AFF2: variants seen among roughly 807,000 people sequenced by gnomAD.
The protein encoded by AFF2 is AF4/FMR2 family member 2.
AFF2 carries 14 observed loss-of-function variants against 76.9 expected under a neutral mutation model. The ratio of observed to expected loss-of-function variants is 0.18; its 90% CI spans 0.12 to 0.28. The LOEUF is 0.28. AFF2 is among the 10% of genes least tolerant of loss of function. The pLI is 1.00. For synonymous variants in AFF2, 398 were observed against 366.7 expected (o/e 1.09, Z -0.98); for missense variants, 868 against 1,001.1 (o/e 0.87, Z 1.79).
intron 3 of AFF2, among the ~76,000 whole-genome samples, chrX:148,789,757 A>G (rs1311474370): frequency 8.9e-6 from 1 of 112,073 alleles, no homozygotes; most frequent in African/African-American, 3.2e-5. Flanking sequence ...ATTGTAGAGT[A>G]TTATAAAATG....
intron 9 of AFF2, among the ~76,000 whole-genome samples, chrX:148,940,836 C>G (rs1323043052): frequency 9.0e-6 from 1 of 111,544 alleles, no homozygotes; most frequent in African/African-American, 3.3e-5. Context: ...ATGAGTTCCC[C>G]TAACATGAGG....
At chrX:148,798,274 GC>G (rs1435252449) in intron 3 of AFF2, among the ~76,000 whole-genome samples, 1 of 111,456 alleles carries the variant, frequency 9.0e-6, no homozygotes, top group African/African-American at 3.3e-5. Context: ...ATTCATGAGG[GC>G]AGAGCCCCCA....
At chrX:148,717,691 G>A (rs913240218) in intron 3 of AFF2, among the ~76,000 whole-genome samples, 7 of 111,552 alleles carry the variant, frequency 6.3e-5, no homozygotes, top group Non-Finnish European at 1.1e-4. Flanking sequence ...AGGTAGCGGG[G>A]GCAGCCATTC....
chrX:148,851,739 T>C (rs1603312653), intron 7 of AFF2, among the ~76,000 whole-genome samples: 2 of 111,783 alleles, frequency 1.8e-5, no homozygotes, highest in Non-Finnish European at 3.8e-5. Context: ...ATATTTCTTC[T>C]TTTTTTCTTT....
At chrX:148,706,837 C>T (rs1242262531) in intron 3 of AFF2, among the ~76,000 whole-genome samples, 1 of 112,573 alleles carries the variant, frequency 8.9e-6, no homozygotes, top group Non-Finnish European at 1.9e-5. Flanking sequence ...AATGTTTTGA[C>T]TGAGTTGTGC....
At chrX:148,586,087 G>GTAT (rs2053466613) in intron 1 of AFF2, among the ~76,000 whole-genome samples, 1 of 110,577 alleles carries the variant, frequency 9.0e-6, no homozygotes, top group African/African-American at 3.3e-5. Flanking sequence ...TGTGAGAAAG[G>GTAT]TATTATTATT....
Position 148,988,052 on chromosome X carries a change from G to C in AFF2, c.3814+495G>C, listed in dbSNP as rs187926605. 2.0e-4 allele frequency among the ~76,000 whole-genome samples: 22 copies of C among 111,782 alleles called. No homozygotes were observed. The East Asian group carries it at 5.9e-3, about 30-fold the overall frequency. ...GTACTTTTCACACACCGATGGCTGGGATGAAGAATCAGGGTGCTGTTCATG... is the reference window on the plus strand; with the variant it reads ...GTACTTTTCACACACCGATGGCTGGCATGAAGAATCAGGGTGCTGTTCATG... On this transcript the variant is annotated intron_variant, in intron 20 of 20. Transcript: ENST00000370460.
At chrX:148,596,875 G>A (rs187712381) in intron 1 of AFF2, among the ~76,000 whole-genome samples, 7 of 111,869 alleles carry the variant, frequency 6.3e-5, no homozygotes, top group Admixed American at 3.8e-4. Flanking sequence ...AACTCCTCAG[G>A]GGATGTGATA....
intron 2 of AFF2, among the ~76,000 whole-genome samples, chrX:148,656,743 G>A (rs1296313836): frequency 1.8e-5 from 2 of 109,401 alleles, no homozygotes; most frequent in Non-Finnish European, 3.8e-5. Context: ...CTCGTGATCC[G>A]CCCGCCTCGG....
At chrX:148,600,264 A>G (rs1366778724) in intron 1 of AFF2, among the ~76,000 whole-genome samples, 1 of 111,666 alleles carries the variant, frequency 9.0e-6, no homozygotes, top group Non-Finnish European at 1.9e-5. Context: ...ATGAAGTGCC[A>G]TTTAGGAATT....
intron 1 of AFF2, among the ~76,000 whole-genome samples, chrX:148,610,046 C>T (rs1451021400): frequency 9.0e-6 from 1 of 111,542 alleles, no homozygotes; most frequent in Non-Finnish European, 1.9e-5. Context: ...ACCTCACTTC[C>T]CTTATCTGTC....
At chrX:148,665,005 G>A (rs189223513) in intron 3 of AFF2, among the ~76,000 whole-genome samples, 1 of 111,816 alleles carries the variant, frequency 8.9e-6, no homozygotes, top group Non-Finnish European at 1.9e-5. Context: ...AATGGGAGGT[G>A]GGGATATCAT....
chrX:148,847,430 A>G (rs1384549396), intron 7 of AFF2, among the ~76,000 whole-genome samples: 1 of 112,104 alleles, frequency 8.9e-6, no homozygotes, highest in Non-Finnish European at 1.9e-5. Context: ...GTCCAGGTGG[A>G]AACCATCCAG....
chrX:148,794,102 G>A (rs1201838218), intron 3 of AFF2, among the ~76,000 whole-genome samples: 3 of 112,032 alleles, frequency 2.7e-5, no homozygotes, highest in African/African-American at 6.5e-5. Flanking sequence ...TCTGCCAGAG[G>A]CAGCCCTTTT....
chrX:148,953,774 G>T (rs1557286907), intron 10 of AFF2, 35 bp downstream of exon 10: 4 of 1,150,061 alleles, frequency 3.5e-6, no homozygotes, highest in Non-Finnish European at 4.7e-6. Context: ...ACCATGATCT[G>T]CCTGTCCCAC....
chrX:148,654,518 A>G (rs2054232321), intron 2 of AFF2, among the ~76,000 whole-genome samples: 1 of 111,547 alleles, frequency 9.0e-6, no homozygotes, highest in African/African-American at 3.3e-5. Flanking sequence ...GCTTTTTAGA[A>G]AAATGAGATA....
At chrX:148,607,559 C>T (rs782736587) in intron 1 of AFF2, among the ~76,000 whole-genome samples, 4 of 111,442 alleles carry the variant, frequency 3.6e-5, no homozygotes, top group Non-Finnish European at 7.6e-5. Context: ...GTCCATTAAA[C>T]CTCTTTTTCT....
intron 9 of AFF2, among the ~76,000 whole-genome samples, chrX:148,908,977 G>A (rs1000789145): frequency 1.8e-5 from 2 of 111,660 alleles, no homozygotes; most frequent in Non-Finnish European, 3.8e-5. Context: ...TTACCATCTG[G>A]CCCCTTATAG....
intron 3 of AFF2, among the ~76,000 whole-genome samples, chrX:148,763,113 T>A (rs1217751895): frequency 8.9e-6 from 1 of 112,422 alleles, no homozygotes; most frequent in East Asian, 2.8e-4. Flanking sequence ...CTTTTTTTAG[T>A]TTTGAGAATC....
Sources: gnomAD v4.1 joint callset for allele counts (sites outside exome capture counted in the v4.1 genomes callset) on GRCh38, gnomAD v4.1.1 for gene constraint, MANE v1.5 for transcripts, NCBI Gene and HGNC (gene_info 2026-07-23, HGNC 2026-07-21) for gene names.